Variants in SPON1 observed in about 807,000 individuals in gnomAD.
SPON1 encodes spondin-1.
Under a neutral mutation model 111.7 loss-of-function variants are expected in SPON1, and 52 were observed. That is an observed-to-expected ratio of 0.47 (90% confidence interval 0.37 to 0.59). The LOEUF is 0.59. Among genes scored for constraint, SPON1 ranks in the 20% least tolerant of loss-of-function variants. SPON1 has a pLI of 0.00. For synonymous variants in SPON1, 410 were observed against 395.8 expected (o/e 1.04, Z -0.43); for missense variants, 957 against 1,068.5 (o/e 0.90, Z 1.46).
chr11:14,176,959 A>G (rs1377863674), intron 6 of SPON1, among the ~76,000 whole-genome samples: 1 of 152,164 alleles, frequency 6.6e-6, no homozygotes, highest in African/African-American at 2.4e-5. Context: ...ATTCATGCAG[A>G]TCCTGCTGCA....
chr11:13,981,606 G>C (rs1013186349), intron 1 of SPON1, among the ~76,000 whole-genome samples: 2 of 152,180 alleles, frequency 1.3e-5, no homozygotes, highest in Non-Finnish European at 2.9e-5. Flanking sequence ...GATTACAGGC[G>C]TGAGCCACCG....
intron 5 of SPON1, among the ~76,000 whole-genome samples, chr11:14,091,151 G>A (rs565573265): frequency 2.0e-5 from 3 of 152,226 alleles, no homozygotes; most frequent in Admixed American, 6.5e-5. Context: ...GTCGATTGGT[G>A]CACTCACAAA....
chr11:14,063,835 T>C (rs1178139026), intron 3 of SPON1, among the ~76,000 whole-genome samples: 1 of 152,240 alleles, frequency 6.6e-6, no homozygotes, highest in African/African-American at 2.4e-5. Flanking sequence ...CCGTGGTTCC[T>C]TTTGAGAACA....
In SPON1 at chr11:14,134,302, A is replaced by G. The variant is rs1847565517; in HGVS notation, c.677-1118A>G. Among the ~76,000 whole-genome samples the G allele has an allele frequency of 3.3e-5, 5 of 152,198 alleles. 2 individuals carry two copies. In the South Asian group the frequency reaches 1.0e-3, roughly 31 times the overall value. On this transcript the variant is annotated intron_variant, in intron 5 of 15. Transcript: ENST00000576479. Reference sequence around the variant, plus strand: ...CTTAGTCAATAATAAATGTATATGCATCTGTATTCATCACATGTAAAAAAC... The same window carrying G: ...CTTAGTCAATAATAAATGTATATGCGTCTGTATTCATCACATGTAAAAAAC...
At chr11:14,092,047 C>T (rs1459786875) in intron 5 of SPON1, among the ~76,000 whole-genome samples, 1 of 152,186 alleles carries the variant, frequency 6.6e-6, no homozygotes, top group Admixed American at 6.5e-5. Context: ...GAACAGGGTT[C>T]CTCAGTTGGA....
At chr11:14,187,614 TTTG>T (rs1283288416) in intron 6 of SPON1, among the ~76,000 whole-genome samples, 1 of 152,124 alleles carries the variant, frequency 6.6e-6, no homozygotes, top group African/African-American at 2.4e-5. Flanking sequence ...TTATTTTCTT[TTTG>T]TTGTTGTTGT....
chr11:13,984,637 T>C (rs114778564), intron 2 of SPON1, among the ~76,000 whole-genome samples: 1,662 of 152,318 alleles, frequency 0.011, 30 homozygotes, highest in African/African-American at 0.039. Flanking sequence ...CTCTCAACAC[T>C]GTTGCATTGG....
Position 14,160,431 on chromosome 11 carries a change from T to TTA in SPON1, c.825+24873_825+24874dup, listed in dbSNP as rs1285077535. Among the ~76,000 whole-genome samples the TTA allele has an allele frequency of 9.3e-3, 228 of 24,476 alleles. 48 individuals are homozygous for TTA. The highest frequency in any genetic ancestry group is 0.035 in the African/African-American group (144 of 4,144). 16.1% of individuals were successfully genotyped at this position (24,476 alleles called of 152,430 possible). On this transcript the variant is annotated intron_variant, in intron 6 of 15. Coordinates refer to ENST00000576479, the MANE Select transcript of SPON1 (RefSeq NM_006108.4). ...TATATATATATTTATATATATATAT[T>TTA]TATATATATATTTATATATATATTT...
chr11:14,213,142 C>T (rs1372787041), intron 6 of SPON1, among the ~76,000 whole-genome samples: 1 of 152,148 alleles, frequency 6.6e-6, no homozygotes, highest in Non-Finnish European at 1.5e-5. Context: ...CCAGACTGAA[C>T]CCAGCTTTTC....
chr11:14,196,421 A>G (rs1368101371), intron 6 of SPON1, among the ~76,000 whole-genome samples: 1 of 152,206 alleles, frequency 6.6e-6, no homozygotes, highest in African/African-American at 2.4e-5. Context: ...CAACACTGTG[A>G]CGATACTAAA....
chr11:14,253,140 C>T (rs532012956), intron 7 of SPON1, among the ~76,000 whole-genome samples: 20 of 152,206 alleles, frequency 1.3e-4, no homozygotes, highest in Non-Finnish European at 2.1e-4. Flanking sequence ...TGTCAATCGA[C>T]GGATGCCAAA....
intron 5 of SPON1, among the ~76,000 whole-genome samples, chr11:14,100,711 T>C (rs112318323): frequency 2.1e-4 from 32 of 152,364 alleles, no homozygotes; most frequent in African/African-American, 7.2e-4. Context: ...TAAACATTAC[T>C]AAAGTGTTGT....
At chr11:14,185,005 C>A (rs1476784069) in intron 6 of SPON1, among the ~76,000 whole-genome samples, 2 of 152,186 alleles carry the variant, frequency 1.3e-5, no homozygotes, top group Non-Finnish European at 2.9e-5. Flanking sequence ...TCCACACTAC[C>A]CCATCTCCAT....
At chr11:14,177,513 T>C (rs1026945147) in intron 6 of SPON1, among the ~76,000 whole-genome samples, 1 of 152,120 alleles carries the variant, frequency 6.6e-6, no homozygotes, top group African/African-American at 2.4e-5. Context: ...GGCCAGCTGG[T>C]CCATCAAGTG....
intron 2 of SPON1, among the ~76,000 whole-genome samples, chr11:13,995,759 C>T (rs1199639382): frequency 6.6e-6 from 1 of 152,116 alleles, no homozygotes; most frequent in Admixed American, 6.5e-5. Context: ...TGAAGGAGAA[C>T]CCAGATGTGT....
At chr11:14,117,254 C>T (rs1174323294) in intron 5 of SPON1, among the ~76,000 whole-genome samples, 1 of 152,154 alleles carries the variant, frequency 6.6e-6, no homozygotes, top group Non-Finnish European at 1.5e-5. Context: ...ACATTCTTGA[C>T]TTGTTCCCAA....
chr11:14,045,611 A>C (rs1213858622), intron 3 of SPON1, among the ~76,000 whole-genome samples: 19 of 126,494 alleles, frequency 1.5e-4, no homozygotes, highest in African/African-American at 4.9e-4. Flanking sequence ...TATATATTTA[A>C]TTTTGTTTTA....
chr11:14,079,446 C>T (rs1457577352), intron 4 of SPON1, among the ~76,000 whole-genome samples: 4 of 152,096 alleles, frequency 2.6e-5, no homozygotes, highest in Non-Finnish European at 5.9e-5. Context: ...CAAAGTCATT[C>T]CTTCTGGTCC....
chr11:14,084,259 C>A (rs1353245454), intron 5 of SPON1, among the ~76,000 whole-genome samples: 1 of 151,984 alleles, frequency 6.6e-6, no homozygotes, highest in African/African-American at 2.4e-5. Flanking sequence ...TTACGTCCCA[C>A]ATGCATTAGG....
Sources: allele counts gnomAD v4.1 joint callset (sites outside exome capture counted in the v4.1 genomes callset), GRCh38; gene constraint gnomAD v4.1.1; transcripts MANE v1.5; gene names NCBI Gene and HGNC (gene_info 2026-07-23, HGNC 2026-07-21).